The following SH3D19 variants were observed in gnomAD, a reference collection of about 807,000 sequenced individuals.
SH3D19 encodes the protein SH3 domain-containing protein 19.
SH3D19 carries 58 observed loss-of-function variants against 112.1 expected under a neutral mutation model. The ratio of observed to expected loss-of-function variants is 0.52; its 90% confidence interval spans 0.42 to 0.64. SH3D19 has a LOEUF of 0.64. Among genes scored for constraint, SH3D19 ranks in the 30% least tolerant of loss-of-function variants. The pLI is 0.00. For missense variants in SH3D19, 1,090 were observed against 1,263.4 expected, an observed-to-expected ratio of 0.86 and a Z score of 2.08; for synonymous variants, 391 against 448.5, an observed-to-expected ratio of 0.87 and a Z score of 1.62.
chr4:151,158,735 T>A (rs556960613), intron 9 of SH3D19, among the ~76,000 whole-genome samples: 31 of 145,004 alleles, frequency 2.1e-4, no homozygotes, highest in Non-Finnish European at 1.5e-4. Context: ...AAATGAAAAA[T>A]ATATATATGT....
chr4:151,154,575 G>A (rs1233216369), intron 9 of SH3D19, among the ~76,000 whole-genome samples: 10 of 149,894 alleles, frequency 6.7e-5, no homozygotes, highest in South Asian at 2.1e-4. Context: ...CACCACACCC[G>A]GCCTCTTTTC....
At chr4:151,138,405 A>G (rs1333877962) in intron 13 of SH3D19, among the ~76,000 whole-genome samples, 1 of 152,122 alleles carries the variant, frequency 6.6e-6, no homozygotes, top group African/African-American at 2.4e-5. Flanking sequence ...TTACAAAAGT[A>G]CTTATATTGT....
intron 2 of SH3D19, among the ~76,000 whole-genome samples, chr4:151,224,042 G>C (rs766780728): frequency 1.4e-4 from 21 of 152,176 alleles, no homozygotes; most frequent in Non-Finnish European, 2.4e-4. Flanking sequence ...GGGCACGGTG[G>C]CTCACGCCTG....
At chr4:151,216,168 C>T (rs1407127181) in intron 2 of SH3D19, among the ~76,000 whole-genome samples, 1 of 152,186 alleles carries the variant, frequency 6.6e-6, no homozygotes, top group Non-Finnish European at 1.5e-5. Context: ...TTCCGATCAA[C>T]AGCAGTTTAC....
intron 8 of SH3D19, 32 bp downstream of exon 8, chr4:151,165,557 G>A: frequency 6.6e-7 from 1 of 1,509,086 alleles, no homozygotes; most frequent in Non-Finnish European, 9.2e-7. Context: ...GCCTCTTGAA[G>A]AAGCTAATAA....
At chr4:151,228,055 A>G in intron 1 of SH3D19, 5 of 985,326 alleles carry the variant, frequency 5.1e-6, no homozygotes, top group Non-Finnish European at 6.0e-6. Flanking sequence ...GTTCTTGGTT[A>G]AAACAGGAAA....
chr4:151,239,075 C>T (rs1561392355), intron 1 of SH3D19, among the ~76,000 whole-genome samples: 1 of 152,178 alleles, frequency 6.6e-6, no homozygotes, highest in Non-Finnish European at 1.5e-5. Context: ...TGAGAAGAGA[C>T]ACCTGGAGAC....
chr4:151,247,581 G>A (rs1396653516), intron 1 of SH3D19, among the ~76,000 whole-genome samples: 1 of 152,116 alleles, frequency 6.6e-6, no homozygotes, highest in African/African-American at 2.4e-5. Context: ...AATTTACAGA[G>A]TTGTGCAATC....
chr4:151,313,565 C>T (rs1274745092), intron 1 of SH3D19, among the ~76,000 whole-genome samples: 1 of 152,112 alleles, frequency 6.6e-6, no homozygotes, highest in Non-Finnish European at 1.5e-5. Flanking sequence ...TACAGGCACA[C>T]ACCACTGCGC....
At chr4:151,177,339 GTTA>G (rs967352924) in intron 4 of SH3D19, among the ~76,000 whole-genome samples, 1 of 152,086 alleles carries the variant, frequency 6.6e-6, no homozygotes, top group African/African-American at 2.4e-5. Flanking sequence ...TTGTTTTTCT[GTTA>G]TTATTATTAT....
Position 151,179,079 on chromosome 4 carries a change from T to G in SH3D19, c.236+276A>C, listed in dbSNP as rs141612977. Among the ~76,000 whole-genome samples, 12 of 152,360 alleles carry G rather than the reference T, an allele frequency of 7.9e-5. No individual in the cohort carries two copies. The East Asian group carries it at 2.3e-3, about 29-fold the overall frequency. ...GTACAAAGCATTTCTCTGAAGCAGT[T>G]ACAATGCTTTACATGTAACAGCTGT... On this transcript the variant is annotated intron_variant, in intron 4 of 19. Transcript: ENST00000604030.
intron 1 of SH3D19, among the ~76,000 whole-genome samples, chr4:151,322,106 C>T (rs72725947): frequency 0.28 from 42,380 of 152,030 alleles, 6,685 homozygotes; most frequent in East Asian, 0.37. Context: ...TCCCCATTTA[C>T]TTTCCTATAA....
intron 1 of SH3D19, among the ~76,000 whole-genome samples, chr4:151,235,578 A>G (rs1320370364): frequency 2.0e-5 from 3 of 152,208 alleles, no homozygotes; most frequent in Admixed American, 6.5e-5. Flanking sequence ...TGAGGCCAGG[A>G]ATTCAAGACC....
intron 7 of SH3D19, among the ~76,000 whole-genome samples, chr4:151,169,952 G>C (rs1436326549): frequency 6.6e-6 from 1 of 152,136 alleles, no homozygotes; most frequent in Non-Finnish European, 1.5e-5. Context: ...AACCAGCTAT[G>C]ATATACTATG....
intron 2 of SH3D19, among the ~76,000 whole-genome samples, chr4:151,212,250 C>G (rs62346593): frequency 2.6e-5 from 4 of 152,194 alleles, no homozygotes; most frequent in African/African-American, 7.2e-5. Flanking sequence ...ACCTTCTGGG[C>G]TCAAGCAATC....
chr4:151,230,702 T>C (rs575004198), intron 1 of SH3D19, among the ~76,000 whole-genome samples: 1 of 151,878 alleles, frequency 6.6e-6, no homozygotes, highest in Non-Finnish European at 1.5e-5. Context: ...AAGTGATTCT[T>C]CTGCCTCAGC....
intron 18 of SH3D19, 134 bp downstream of exon 18, chr4:151,128,036 A>C (rs766499614): frequency 9.2e-6 from 6 of 649,724 alleles, no homozygotes; most frequent in Non-Finnish European, 1.4e-5. Flanking sequence ...TGAAGTTTGC[A>C]TAACTTCATG....
chr4:151,262,676 T>TTCTCTCTCTCTCTCTCTCTC (rs61642865), intron 1 of SH3D19: 37 of 145,146 alleles, frequency 2.5e-4, no homozygotes, highest in African/African-American at 7.4e-4. Context: ...GCCAACATTC[T>TTCTCTCTCTCTCTCTCTCTC]TCTCTCTCTC....
chr4:151,150,469 T>C (rs536450669), intron 9 of SH3D19, among the ~76,000 whole-genome samples: 127 of 151,782 alleles, frequency 8.4e-4, no homozygotes, highest in African/African-American at 3.0e-3. Context: ...AGGCAGATCT[T>C]ATCTCATCAC....
Sources: gnomAD v4.1 joint callset for allele counts (sites outside exome capture counted in the v4.1 genomes callset) on GRCh38, gnomAD v4.1.1 for gene constraint, MANE v1.5 for transcripts, NCBI Gene and HGNC (gene_info 2026-07-23, HGNC 2026-07-21) for gene names.